The following COL23A1 variants were observed in gnomAD, a reference collection of about 807,000 sequenced individuals.
COL23A1 encodes the protein collagen type XXIII alpha 1 chain.
Under a neutral mutation model 99.3 loss-of-function variants are expected in COL23A1, and 97 were observed. The observed-to-expected ratio is 0.98, with a 90% CI of 0.83 to 1.16. The LOEUF is 1.16. COL23A1 is among the 50% of genes most tolerant of loss of function. The probability of loss-of-function intolerance (pLI) is 0.00; values close to 1 mark genes in which losing one functional copy is unlikely to be tolerated. For synonymous variants in COL23A1, 320 were observed against 308.2 expected (o/e 1.04, Z -0.40); for missense variants, 762 against 757.4 (o/e 1.01, Z -0.07).
chr5:178,536,274 C>T (rs1760954809), intron 2 of COL23A1, among the ~76,000 whole-genome samples: 1 of 152,250 alleles, frequency 6.6e-6, no homozygotes, highest in Non-Finnish European at 1.5e-5. Context: ...GGGAGAACCA[C>T]GAAGAGATGG....
intron 6 of COL23A1, among the ~76,000 whole-genome samples, chr5:178,269,767 C>T (rs929607625): frequency 1.6e-5 from 2 of 123,074 alleles, no homozygotes; most frequent in African/African-American, 7.1e-5. Flanking sequence ...CAACCACCCA[C>T]CAATCCATCC....
At chr5:178,527,517 C>T (rs1291658127) in intron 2 of COL23A1, among the ~76,000 whole-genome samples, 5 of 152,312 alleles carry the variant, frequency 3.3e-5, no homozygotes, top group East Asian at 3.9e-4. Context: ...TTCCAGGAAG[C>T]GGCTGGCCCG....
chr5:178,253,644 G>A (rs1322789468), intron 16 of COL23A1, among the ~76,000 whole-genome samples: 5 of 151,658 alleles, frequency 3.3e-5, no homozygotes, highest in African/African-American at 7.3e-5. Flanking sequence ...CACCATGCCC[G>A]GCTAATTTTT....
intron 2 of COL23A1, among the ~76,000 whole-genome samples, chr5:178,359,077 G>C (rs957277798): frequency 2.6e-5 from 4 of 152,202 alleles, no homozygotes; most frequent in South Asian, 2.1e-4. Flanking sequence ...CAGGATGGCA[G>C]CTCTCCAGGC....
Position 178,259,764 on chromosome 5 carries a change from G to A in COL23A1, c.703-17C>T. The A allele has an allele frequency of 6.2e-7, 1 of 1,601,136 alleles. No individual in the cohort carries two copies. Among genetic ancestry groups the A allele is most frequent in the Non-Finnish European group, 8.5e-7 (1 of 1,172,024 alleles). On this transcript the variant is annotated splice_polypyrimidine_tract_variant and intron_variant, in intron 11 of 28. Transcript: ENST00000390654. ...AGGCTCACCCTGGGGGAGGCAATGG[G>A]GGGTTCAAGAGCAAGGTCAAAACCA...
At chr5:178,561,322 T>C (rs1175545981) in intron 1 of COL23A1, among the ~76,000 whole-genome samples, 1 of 152,222 alleles carries the variant, frequency 6.6e-6, no homozygotes, top group Non-Finnish European at 1.5e-5. Context: ...GTGGGGATCC[T>C]TGGCCTAGAA....
At chr5:178,504,440 G>A (rs536840684) in intron 2 of COL23A1, among the ~76,000 whole-genome samples, 4 of 152,184 alleles carry the variant, frequency 2.6e-5, no homozygotes, top group African/African-American at 4.8e-5. Context: ...AGATGAAAAC[G>A]AGAGGATGGG....
intron 2 of COL23A1, among the ~76,000 whole-genome samples, chr5:178,411,561 T>A (rs1442424748): frequency 6.6e-6 from 1 of 152,278 alleles, no homozygotes; most frequent in East Asian, 1.9e-4. Context: ...ATAACTTACA[T>A]GAAATATACA....
intron 2 of COL23A1, among the ~76,000 whole-genome samples, chr5:178,436,840 G>T (rs1766590022): frequency 6.6e-6 from 1 of 152,220 alleles, no homozygotes; most frequent in Non-Finnish European, 1.5e-5. Context: ...CCCCCATTTT[G>T]CAAAAGAAGA....
intron 2 of COL23A1, among the ~76,000 whole-genome samples, chr5:178,501,328 A>T (rs1180563010): frequency 6.6e-6 from 1 of 152,212 alleles, no homozygotes; most frequent in African/African-American, 2.4e-5. Flanking sequence ...CACGCCTGTA[A>T]TCCCAGCACT....
intron 11 of COL23A1, among the ~76,000 whole-genome samples, chr5:178,260,998 G>A (rs1765595751): frequency 1.6e-5 from 2 of 128,044 alleles, no homozygotes; most frequent in Admixed American, 8.2e-5. Context: ...GGTGATGGTG[G>A]TCTGTCCACA....
rs78849515 is a variant in COL23A1 at position 178,388,485 on chromosome 5, C to T, written c.362-81566G>A. Among the ~76,000 whole-genome samples the T allele has an allele frequency of 6.5e-3, 995 of 152,216 alleles. 8 individuals are homozygous for T. The highest frequency in any genetic ancestry group is 0.023 in the African/African-American group (939 of 41,550). ...TACTTAAGCAATGCTGGTTCTTCAGCGGCTCCTCCCAAGTCCTGGAAGCAG... is the reference window on the plus strand; with the variant it reads ...TACTTAAGCAATGCTGGTTCTTCAGTGGCTCCTCCCAAGTCCTGGAAGCAG... On this transcript the variant is annotated intron_variant, in intron 2 of 28. Transcript: ENST00000390654.
At chr5:178,286,342 G>T (rs765064885) in intron 5 of COL23A1, among the ~76,000 whole-genome samples, 19 of 152,166 alleles carry the variant, frequency 1.2e-4, no homozygotes, top group Non-Finnish European at 1.6e-4. Context: ...AAAGCTCCCA[G>T]TGTCAAGCCT....
intron 2 of COL23A1, among the ~76,000 whole-genome samples, chr5:178,538,610 TAAAC>T (rs1761110876): frequency 6.6e-6 from 1 of 152,200 alleles, no homozygotes; most frequent in Non-Finnish European, 1.5e-5. Flanking sequence ...ACAGCAAACT[TAAAC>T]AACTAAATGC....
At chr5:178,449,971 C>A (rs545708171) in intron 2 of COL23A1, among the ~76,000 whole-genome samples, 1 of 152,174 alleles carries the variant, frequency 6.6e-6, no homozygotes, top group Admixed American at 6.5e-5. Flanking sequence ...GTGTCTGCCA[C>A]ACCTCAGCAA....
chr5:178,279,709 CCCCCT>C (rs751671142), intron 5 of COL23A1, among the ~76,000 whole-genome samples: 12 of 152,156 alleles, frequency 7.9e-5, no homozygotes, highest in Non-Finnish European at 1.5e-4. Flanking sequence ...CTTCTCACCT[CCCCCT>C]ACGCCCTTAC....
chr5:178,272,072 CCT>C (rs1489003386), intron 5 of COL23A1, among the ~76,000 whole-genome samples: 1 of 152,232 alleles, frequency 6.6e-6, no homozygotes, highest in Non-Finnish European at 1.5e-5. Flanking sequence ...ACTCTGCACC[CCT>C]GTCCGTCCCG....
At chr5:178,326,538 G>A (rs1337699730) in intron 2 of COL23A1, among the ~76,000 whole-genome samples, 1 of 152,056 alleles carries the variant, frequency 6.6e-6, no homozygotes, top group Non-Finnish European at 1.5e-5. Context: ...CCGTGAACAT[G>A]TGGGCCCTGG....
At chr5:178,573,085 A>G (rs1763185591) in intron 1 of COL23A1, among the ~76,000 whole-genome samples, 1 of 152,170 alleles carries the variant, frequency 6.6e-6, no homozygotes, top group African/African-American at 2.4e-5. Context: ...GGCAGGAGGA[A>G]ACTCTGGAGG....
Sources: allele counts gnomAD v4.1 joint callset (sites outside exome capture counted in the v4.1 genomes callset), GRCh38; gene constraint gnomAD v4.1.1; transcripts MANE v1.5; gene names NCBI Gene and HGNC (gene_info 2026-07-23, HGNC 2026-07-21).